GMDS: variants seen among roughly 807,000 people sequenced by gnomAD.
The protein encoded by GMDS is GDP-mannose 4,6 dehydratase.
GMDS carries 20 observed loss-of-function variants against 49.9 expected under a neutral mutation model. That is an observed-to-expected ratio of 0.40 (90% CI 0.28 to 0.58). The LOEUF (loss-of-function observed/expected upper bound fraction) is 0.58, where lower values mean the gene tolerates loss of function less well. GMDS is among the 20% of genes least tolerant of loss of function. GMDS has a pLI of 0.42. For missense variants in GMDS, 362 were observed against 481.4 expected (o/e 0.75, Z 2.32); for synonymous variants, 177 against 178.6 (o/e 0.99, Z 0.07).
At chr6:2,113,247 T>C (rs1324251356) in intron 4 of GMDS, among the ~76,000 whole-genome samples, 2 of 152,052 alleles carry the variant, frequency 1.3e-5, no homozygotes, top group African/African-American at 2.4e-5. Flanking sequence ...CATCAGTGCA[T>C]AGAGAAATCA....
chr6:1,685,016 C>G (rs9378649), intron 9 of GMDS, among the ~76,000 whole-genome samples: 2 of 112,124 alleles, frequency 1.8e-5, no homozygotes, highest in South Asian at 3.2e-4. Flanking sequence ...TCTCTCCCCC[C>G]CCTTTTTTTT....
At chr6:1,757,037 C>T (rs999590999) in intron 7 of GMDS, among the ~76,000 whole-genome samples, 1 of 152,188 alleles carries the variant, frequency 6.6e-6, no homozygotes, top group Non-Finnish European at 1.5e-5. Flanking sequence ...AGAAAAAAAT[C>T]TACCACAAAG....
intron 4 of GMDS, chr6:2,043,333 T>G (rs1177139004): frequency 6.6e-6 from 1 of 152,248 alleles, no homozygotes; most frequent in Non-Finnish European, 1.5e-5. Flanking sequence ...CACTCGAATA[T>G]ACCTCATAAG....
intron 7 of GMDS, among the ~76,000 whole-genome samples, chr6:1,776,101 A>C (rs1325042710): frequency 6.6e-6 from 1 of 152,282 alleles, no homozygotes; most frequent in Non-Finnish European, 1.5e-5. Context: ...CAGTGCCTGC[A>C]TCAACCTCCA....
chr6:1,917,340 C>T (rs542314022), intron 7 of GMDS, among the ~76,000 whole-genome samples: 3 of 152,298 alleles, frequency 2.0e-5, no homozygotes, highest in African/African-American at 4.8e-5. Flanking sequence ...GAACCCACTG[C>T]CTGATACCAA....
Position 1,708,479 on chromosome 6 carries a change from C to T in GMDS, c.987+17937G>A, listed in dbSNP as rs141525254. Among the ~76,000 whole-genome samples, 688 of 152,296 alleles carry T rather than the reference C, an allele frequency of 4.5e-3. 4 individuals are homozygous for T. The highest frequency in any genetic ancestry group is 5.3e-3 in the Non-Finnish European group (362 of 68,016). On this transcript the variant is annotated intron_variant, in intron 9 of 10. Transcript: ENST00000380815. Reference sequence around the variant, plus strand: ...ACGGTGGGTCCAAGTCTGAACTGCCCGGGGCTAAGTCAGTCACCGCACAAT... The same window carrying T: ...ACGGTGGGTCCAAGTCTGAACTGCCTGGGGCTAAGTCAGTCACCGCACAAT...
At chr6:1,940,125 C>G (rs1224129384) in intron 6 of GMDS, among the ~76,000 whole-genome samples, 1 of 152,160 alleles carries the variant, frequency 6.6e-6, no homozygotes, top group Non-Finnish European at 1.5e-5. Flanking sequence ...TTCCTATGGC[C>G]CTGTGGCAAT....
At chr6:1,688,969 T>A (rs1581461634) in intron 9 of GMDS, among the ~76,000 whole-genome samples, 1 of 152,222 alleles carries the variant, frequency 6.6e-6, no homozygotes, top group Admixed American at 6.5e-5. Flanking sequence ...CAGATGTGGA[T>A]GATCATTACT....
At chr6:2,110,515 C>T (rs911334356) in intron 4 of GMDS, among the ~76,000 whole-genome samples, 1 of 152,156 alleles carries the variant, frequency 6.6e-6, no homozygotes, top group Non-Finnish European at 1.5e-5. Context: ...GTCACTAACG[C>T]ACTGGCCCCT....
chr6:1,910,894 A>G (rs1287132663), intron 7 of GMDS, among the ~76,000 whole-genome samples: 1 of 152,230 alleles, frequency 6.6e-6, no homozygotes, highest in Non-Finnish European at 1.5e-5. Flanking sequence ...AAACATTGCT[A>G]TTAAAAAACT....
At chr6:1,980,494 GCTAA>G (rs1215368333) in intron 4 of GMDS, among the ~76,000 whole-genome samples, 1 of 150,666 alleles carries the variant, frequency 6.6e-6, no homozygotes, top group Non-Finnish European at 1.5e-5. Flanking sequence ...AACAAGAAGA[GCTAA>G]CTGTCTTACA....
At chr6:1,745,933 A>T (rs1458067528) in intron 7 of GMDS, among the ~76,000 whole-genome samples, 1 of 152,218 alleles carries the variant, frequency 6.6e-6, no homozygotes, top group African/African-American at 2.4e-5. Context: ...GCCGAGGCTG[A>T]GTGCATCCCG....
chr6:1,846,098 T>C (rs1221366115), intron 7 of GMDS, among the ~76,000 whole-genome samples: 3 of 150,118 alleles, frequency 2.0e-5, no homozygotes, highest in Non-Finnish European at 3.0e-5. Context: ...TTTTTTTTTT[T>C]TTCCTCCTTG....
chr6:2,245,489 G>A lies in GMDS; in HGVS notation c.-67C>T. 1 of 853,002 alleles carries A rather than the reference G, an allele frequency of 1.2e-6. No individual in the cohort carries two copies. The highest frequency in any genetic ancestry group is 1.6e-6 in the Non-Finnish European group (1 of 613,210). The allele number at this position is 853,002 out of a possible 1,614,324, so 52.8% of individuals were successfully genotyped here. A position where few individuals can be genotyped will look rare whatever the true frequency, so the allele number is the denominator to read the frequency against. ...GCAGAGGGCAGGCGCGGTGCCGGCA[G>A]GAACGCGGGGGTGTGCAGCACGAAG... On this transcript the variant is annotated 5_prime_UTR_variant, in exon 1 of 11. Coordinates refer to ENST00000380815, the MANE Select transcript of GMDS (RefSeq NM_001500.4).
At chr6:1,763,438 C>G (rs1768234276) in intron 7 of GMDS, among the ~76,000 whole-genome samples, 1 of 152,186 alleles carries the variant, frequency 6.6e-6, no homozygotes, top group African/African-American at 2.4e-5. Flanking sequence ...AAGAGTAAAC[C>G]TACTGGCAAG....
chr6:2,143,692 T>C (rs1235475365), intron 1 of GMDS, among the ~76,000 whole-genome samples: 1 of 152,130 alleles, frequency 6.6e-6, no homozygotes, highest in African/African-American at 2.4e-5. Context: ...CCACCCCACC[T>C]CTTAGCAAAT....
At chr6:1,955,118 G>C (rs1763561286) in intron 6 of GMDS, among the ~76,000 whole-genome samples, 1 of 151,660 alleles carries the variant, frequency 6.6e-6, no homozygotes, top group Non-Finnish European at 1.5e-5. Flanking sequence ...TTAATGCAGG[G>C]TTGCCACACA....
intron 7 of GMDS, among the ~76,000 whole-genome samples, chr6:1,908,222 T>C (rs1384642941): frequency 2.0e-5 from 3 of 152,150 alleles, no homozygotes; most frequent in Non-Finnish European, 4.4e-5. Flanking sequence ...TGGTGTGAGA[T>C]TTCATCATGC....
intron 1 of GMDS, among the ~76,000 whole-genome samples, chr6:2,193,018 C>G (rs144842710): frequency 6.6e-6 from 1 of 152,210 alleles, no homozygotes; most frequent in Non-Finnish European, 1.5e-5. Context: ...TCTGATAGCC[C>G]TCATCCCAGG....
Sources: gnomAD v4.1 joint callset for allele counts (sites outside exome capture counted in the v4.1 genomes callset) on GRCh38, gnomAD v4.1.1 for gene constraint, MANE v1.5 for transcripts, NCBI Gene and HGNC (gene_info 2026-07-23, HGNC 2026-07-21) for gene names.